NAV1: variants seen among roughly 807,000 people sequenced by gnomAD.
NAV1 encodes the protein neuron navigator 1.
NAV1 carries 18 observed loss-of-function variants against 175.2 expected under a neutral mutation model. The observed-to-expected ratio is 0.10, with a 90% CI of 0.07 to 0.15. The LOEUF (loss-of-function observed/expected upper bound fraction) is 0.15. NAV1 is among the 10% of genes least tolerant of loss of function. NAV1 has a pLI of 1.00. For missense variants in NAV1, 1,731 were observed against 2,436.6 expected, an observed-to-expected ratio of 0.71 and a Z score of 6.10; for synonymous variants, 897 against 978.7, an observed-to-expected ratio of 0.92 and a Z score of 1.56.
chr1:201,552,249 C>T (rs75250809), intron 1 of NAV1, among the ~76,000 whole-genome samples: 2,657 of 152,328 alleles, frequency 0.017, 76 homozygotes, highest in African/African-American at 0.059. Flanking sequence ...CAATGCCACT[C>T]TGAGTTGGCC....
chr1:201,646,944 C>A (rs547031394), upstream of NAV1, among the ~76,000 whole-genome samples: 1 of 152,170 alleles, frequency 6.6e-6, no homozygotes, highest in Admixed American at 6.5e-5. Flanking sequence ...GAGACTCACA[C>A]ACAGCGTTCT....
Position 201,812,068 on chromosome 1 carries a change from G to T in NAV1, c.5024+94G>T. ...GGAGGCAGTAGATAGGAGAAGGAAA[G>T]AGAAGTATCCAGAGCTTTTTGGGCT... is the stretch of plus-strand genomic sequence containing the variant. On this transcript the variant is annotated intron_variant, in intron 26 of 29. Transcript: ENST00000367296. This position sits in a 1 kb window ranked among gnomAD's most constrained non-coding sequence, Gnocchi z 4.6. 2 of 1,231,126 alleles carry T rather than the reference G, an allele frequency of 1.6e-6. No homozygotes were observed. The highest frequency in any genetic ancestry group is 2.4e-6 in the Non-Finnish European group (2 of 835,290). The allele number at this position is 1,231,126 out of a possible 1,614,324, so 76.3% of individuals were successfully genotyped here.
At chr1:201,772,850 G>A (rs1200924889) in intron 3 of NAV1, among the ~76,000 whole-genome samples, 3 of 151,974 alleles carry the variant, frequency 2.0e-5, no homozygotes, top group Admixed American at 2.0e-4. Context: ...TGGCTAACAC[G>A]GTGAAACCCC....
intron 1 of NAV1, among the ~76,000 whole-genome samples, chr1:201,658,191 G>A (rs554927493): frequency 1.3e-5 from 2 of 152,296 alleles, no homozygotes; most frequent in African/African-American, 4.8e-5. Flanking sequence ...AGAAGTTAGT[G>A]TCGGCAGAGC....
chr1:201,571,687 G>C (rs1666548770), intron 1 of NAV1, among the ~76,000 whole-genome samples: 1 of 152,250 alleles, frequency 6.6e-6, no homozygotes, highest in South Asian at 2.1e-4. Context: ...GTTTTGCCTA[G>C]AATTGCTTAT....
intron 8 of NAV1, 122 bp from the exon 13 acceptor site, chr1:201,786,307 C>G: frequency 9.3e-7 from 1 of 1,070,708 alleles, no homozygotes. Context: ...ACCACTCCCT[C>G]TTTTCCATGT....
intron 3 of NAV1, among the ~76,000 whole-genome samples, chr1:201,759,361 T>C (rs1053212408): frequency 6.6e-6 from 1 of 152,146 alleles, no homozygotes; most frequent in Non-Finnish European, 1.5e-5. Flanking sequence ...AGCAAACAAG[T>C]GAGCTAGATA....
chr1:201,765,381 C>CTTTTTTTTTTT (rs59583786), intron 3 of NAV1, among the ~76,000 whole-genome samples: 32 of 98,616 alleles, frequency 3.2e-4, no homozygotes, highest in African/African-American at 4.0e-4. Context: ...AGGAAATATT[C>CTTTTTTTTTTT]TTTTTTTTTT....
chr1:201,629,542 G>A (rs559192350), intron 2 of NAV1, 35 bp downstream of exon 4: 60 of 1,277,222 alleles, frequency 4.7e-5, no homozygotes, highest in East Asian at 5.6e-5. Context: ...TCCTAGGGTC[G>A]GGAGGCCACT....
rs1679304285 is a variant in NAV1 at position 201,820,173 on chromosome 1, C to G, written c.*241C>G. 2.5e-5 allele frequency: 11 copies of G among 433,820 alleles called. No individual in the cohort carries two copies. The Admixed American group carries it at 2.7e-4, about 11-fold the overall frequency. 26.9% of individuals were successfully genotyped at this position (433,820 alleles called of 1,614,324 possible). A position where few individuals can be genotyped will look rare whatever the true frequency, so the allele number is the denominator to read the frequency against. On this transcript the variant is annotated 3_prime_UTR_variant, in exon 30 of 30. Transcript: ENST00000367296. ...CCCCCTAAACACATTTACTGGCCTCCTCTAATGACTTTGGGGAAAAGATGA... is the reference window on the plus strand; with the variant it reads ...CCCCCTAAACACATTTACTGGCCTCGTCTAATGACTTTGGGGAAAAGATGA...
At chr1:201,773,326 G>A (rs1171617574) in intron 3 of NAV1, among the ~76,000 whole-genome samples, 1 of 152,126 alleles carries the variant, frequency 6.6e-6, no homozygotes, top group Non-Finnish European at 1.5e-5. Context: ...TACGATTACT[G>A]GTGTAAACCA....
chr1:201,720,046 C>T (rs914349727), intron 3 of NAV1, among the ~76,000 whole-genome samples: 1 of 152,222 alleles, frequency 6.6e-6, no homozygotes, highest in African/African-American at 2.4e-5. Flanking sequence ...CAGGGGCCAG[C>T]CCAACCTCGC....
rs1315744698 is a variant in NAV1 at position 201,787,607 on chromosome 1, A to G, written c.2996-861A>G. 2.2e-6 allele frequency: 1 copy of G among 453,848 alleles called. No homozygotes were observed. The highest frequency in any genetic ancestry group is 4.4e-6 in the Non-Finnish European group (1 of 225,776). 28.1% of individuals were successfully genotyped at this position (453,848 alleles called of 1,614,324 possible). A position where few individuals can be genotyped will look rare whatever the true frequency, so the allele number is the denominator to read the frequency against. ...TGGGCTAAGCAATAATTACCTCAGGAATTTGAAAAGGTCAACAGAGAGGTG... is the reference window on the plus strand; with the variant it reads ...TGGGCTAAGCAATAATTACCTCAGGGATTTGAAAAGGTCAACAGAGAGGTG... On this transcript the variant is annotated intron_variant, in intron 9 of 29. Coordinates refer to ENST00000367296, the Ensembl canonical transcript of NAV1. The surrounding 1 kb of genome is among the most constrained non-coding windows in gnomAD (Gnocchi z 4.3).
chr1:201,686,080 AGAG>A (rs1558066013), intron 1 of NAV1, among the ~76,000 whole-genome samples: 1 of 152,212 alleles, frequency 6.6e-6, no homozygotes, highest in East Asian at 1.9e-4. Context: ...CTCCAGAGCC[AGAG>A]AAGAGGCTGT....
chr1:201,583,424 G>C (rs1445206158), intron 1 of NAV1, among the ~76,000 whole-genome samples: 17 of 152,106 alleles, frequency 1.1e-4, no homozygotes, highest in Admixed American at 1.0e-3. Flanking sequence ...ATTATCTGTA[G>C]ACTCTGCTAA....
At chr1:201,554,170 A>G (rs942263369) in intron 1 of NAV1, among the ~76,000 whole-genome samples, 1 of 152,130 alleles carries the variant, frequency 6.6e-6, no homozygotes, top group Non-Finnish European at 1.5e-5. Context: ...ATAAGACAGA[A>G]TGTTATTCTT....
At chr1:201,628,666 G>A (rs1362796183) in intron 1 of NAV1, among the ~76,000 whole-genome samples, 2 of 152,152 alleles carry the variant, frequency 1.3e-5, no homozygotes, top group African/African-American at 4.8e-5. Flanking sequence ...GACAGCGGGC[G>A]GATGGGTGGG....
intron 1 of NAV1, among the ~76,000 whole-genome samples, chr1:201,579,827 G>A (rs1434423520): frequency 6.6e-6 from 1 of 152,148 alleles, no homozygotes; most frequent in African/African-American, 2.4e-5. Context: ...TACACGAGAG[G>A]GGATTTACTA....
chr1:201,657,420 A>G (rs1243800629), intron 1 of NAV1, among the ~76,000 whole-genome samples: 2 of 152,214 alleles, frequency 1.3e-5, no homozygotes, highest in African/African-American at 4.8e-5. Flanking sequence ...TGCATTTCCC[A>G]GGATCCCCTT....
Sources: allele counts gnomAD v4.1 joint callset (sites outside exome capture counted in the v4.1 genomes callset), GRCh38; gene constraint gnomAD v4.1.1; non-coding constraint Gnocchi (gnomAD v3.1); transcripts MANE v1.5; gene names NCBI Gene and HGNC (gene_info 2026-07-23, HGNC 2026-07-21).